The following BLTP1 variants were observed in gnomAD, a reference collection of about 807,000 sequenced individuals.
BLTP1 encodes the protein bridge-like lipid transfer protein family member 1, also known as fragile site-associated protein.
At chr4:122,279,742 T>C in the BLTP1 span, 10 of 1,585,738 alleles carry the variant, frequency 6.3e-6, no homozygotes, top group Non-Finnish European at 8.6e-6. Flanking sequence ...GGCTGTTGGC[T>C]GTATTTTAAT....
the BLTP1 span, chr4:122,344,109 A>G: frequency 2.0e-6 from 1 of 504,594 alleles, no homozygotes; most frequent in East Asian, 1.5e-4. Context: ...TTGTATTTAA[A>G]TAAATGATGA....
the BLTP1 span, chr4:122,188,893 G>T: frequency 1.1e-6 from 1 of 940,692 alleles, no homozygotes; most frequent in Non-Finnish European, 1.3e-6. Context: ...ACTCTTGGCT[G>T]GCCTGGTATT....
At chr4:122,281,851 T>C in the BLTP1 span, 14 of 1,396,094 alleles carry the variant, frequency 1.0e-5, no homozygotes, top group African/African-American at 4.5e-5. Context: ...GATAAAAAGG[T>C]AAATTTGGTT....
chr4:122,246,180 C>A, the BLTP1 span: 7 of 1,591,956 alleles, frequency 4.4e-6, no homozygotes, highest in East Asian at 1.1e-4. Flanking sequence ...ATTAGAGGAA[C>A]AAAAACTGAG....
the BLTP1 span, chr4:122,200,671 C>A: frequency 1.0e-6 from 1 of 984,598 alleles, no homozygotes; most frequent in Non-Finnish European, 1.2e-6. Flanking sequence ...TTCCTTCACA[C>A]TGAGCCTGTC....
chr4:122,154,069 TAGA>T, the BLTP1 span: 1 of 981,202 alleles, frequency 1.0e-6, no homozygotes, highest in Non-Finnish European at 1.2e-6. Flanking sequence ...TGAAGAAAAG[TAGA>T]AGGAAAAACA....
chr4:122,196,485 C>A, the BLTP1 span: 1 of 579,254 alleles, frequency 1.7e-6, no homozygotes, highest in South Asian at 2.7e-5. Context: ...GCTCATTGAT[C>A]TCTGGAAGTG....
the BLTP1 span, among the ~76,000 whole-genome samples, chr4:122,284,909 A>C: frequency 6.6e-6 from 1 of 152,044 alleles, no homozygotes; most frequent in Non-Finnish European, 1.5e-5. Flanking sequence ...AAATAAAGGG[A>C]GATTACTGTA....
At chr4:122,211,039 C>T in the BLTP1 span, 1 of 1,613,248 alleles carries the variant, frequency 6.2e-7, no homozygotes, top group African/African-American at 1.3e-5. Flanking sequence ...GGAACTTTCT[C>T]CAGATTCTCA....
the BLTP1 span, chr4:122,250,554 A>G: frequency 6.2e-7 from 1 of 1,613,684 alleles, no homozygotes; most frequent in South Asian, 1.1e-5. Flanking sequence ...TTAAATGGAA[A>G]TTCTGTTTCA....
the BLTP1 span, chr4:122,250,531 C>T: frequency 9.3e-6 from 15 of 1,613,656 alleles, no homozygotes; most frequent in African/African-American, 1.5e-4. Flanking sequence ...ACCGGACAAG[C>T]CCTTCCTCAG....
At chr4:122,190,478 T>C in the BLTP1 span, 1 of 912,362 alleles carries the variant, frequency 1.1e-6, no homozygotes, top group Non-Finnish European at 1.3e-6. Context: ...TTTTAAATCT[T>C]CTTGCTTAGC....
At chr4:122,194,306 A>G in the BLTP1 span, among the ~76,000 whole-genome samples, 1 of 152,208 alleles carries the variant, frequency 6.6e-6, no homozygotes, top group African/African-American at 2.4e-5. Flanking sequence ...TAAGCTCGTT[A>G]TTTGAAAATT....
the BLTP1 span, among the ~76,000 whole-genome samples, chr4:122,297,318 G>C: frequency 6.6e-6 from 1 of 152,158 alleles, no homozygotes; most frequent in South Asian, 2.1e-4. Flanking sequence ...CAGCATCACT[G>C]ATCATCAGAG....
chr4:122,247,923 A>G, the BLTP1 span: 3 of 982,838 alleles, frequency 3.1e-6, no homozygotes, highest in Non-Finnish European at 3.6e-6. Flanking sequence ...AATGTCAGAG[A>G]TTCAATTCAG....
chr4:122,240,876 A>G, the BLTP1 span, among the ~76,000 whole-genome samples: 1 of 152,224 alleles, frequency 6.6e-6, no homozygotes, highest in Non-Finnish European at 1.5e-5. Flanking sequence ...GTCATAGCCA[A>G]TATGAAATAC....
At chr4:122,185,322 A>C in the BLTP1 span, 1 of 983,156 alleles carries the variant, frequency 1.0e-6, no homozygotes, top group Non-Finnish European at 1.2e-6. Context: ...TATAAAAAAG[A>C]GGTCTCAGAA....
At chr4:122,215,560 T>C in the BLTP1 span, 1 of 985,268 alleles carries the variant, frequency 1.0e-6, no homozygotes, top group African/African-American at 1.7e-5. Flanking sequence ...TTTTTCCACT[T>C]TACACTTGAC....
At chr4:122,157,050 T>C in the BLTP1 span, among the ~76,000 whole-genome samples, 1 of 151,514 alleles carries the variant, frequency 6.6e-6, no homozygotes, top group African/African-American at 2.4e-5. Context: ...CTCCTGATCT[T>C]TTAGTAGGGA....
Sources: allele counts gnomAD v4.1 joint callset (sites outside exome capture counted in the v4.1 genomes callset), GRCh38; gene constraint gnomAD v4.1.1; transcripts MANE v1.5; gene names NCBI Gene and HGNC (gene_info 2026-07-23, HGNC 2026-07-21).